The following KAT2B variants were observed in gnomAD, a reference collection of about 807,000 sequenced individuals.
The protein encoded by KAT2B is histone acetyltransferase KAT2B.
Under a neutral mutation model 105.9 loss-of-function variants are expected in KAT2B, and 36 were observed. That is an observed-to-expected ratio of 0.34 (90% CI 0.26 to 0.45). The LOEUF is 0.45. Ranked by LOEUF, KAT2B falls within the 20% of genes least tolerant of loss-of-function variation. The pLI, the probability that KAT2B is intolerant of heterozygous loss-of-function variation, is 1.00. For synonymous variants in KAT2B, 397 were observed against 377.9 expected, an observed-to-expected ratio of 1.05 and a Z score of -0.59; for missense variants, 820 against 1,021.6, an observed-to-expected ratio of 0.80 and a Z score of 2.69.
intron 11 of KAT2B, among the ~76,000 whole-genome samples, chr3:20,134,873 CTT>C (rs578188415): frequency 4.2e-4 from 64 of 152,118 alleles, no homozygotes; most frequent in South Asian, 8.3e-4. Context: ...TTAATTTTGA[CTT>C]TTTTTTACTT....
Position 20,068,823 on chromosome 3 carries a change from A to G in KAT2B, c.304-3510A>G, listed in dbSNP as rs144730487. Among the ~76,000 whole-genome samples the G allele has an allele frequency of 4.1e-3, 621 of 152,182 alleles. 4 individuals are homozygous for G. Among genetic ancestry groups the G allele is most frequent in the African/African-American group, 0.014 (586 of 41,536 alleles). On this transcript the variant is annotated intron_variant, in intron 1 of 17. Coordinates refer to ENST00000263754, the MANE Select transcript of KAT2B (RefSeq NM_003884.5). ...TTCTAGGTTTGGCCTGCCATATTTA[A>G]TTGCTTTGTTGGGGCCATTTAGTCA...
At chr3:20,079,142 C>T (rs933383889) in intron 2 of KAT2B, among the ~76,000 whole-genome samples, 1 of 150,704 alleles carries the variant, frequency 6.6e-6, no homozygotes, top group Non-Finnish European at 1.5e-5. Context: ...CTCAGGTGAT[C>T]CACCCGCCTC....
chr3:20,083,828 C>G (rs1441268306), intron 2 of KAT2B, among the ~76,000 whole-genome samples: 2 of 152,062 alleles, frequency 1.3e-5, no homozygotes, highest in Non-Finnish European at 2.9e-5. Context: ...TTGGCAGAAA[C>G]AGGGCCAGCA....
rs1699448099 is a variant in KAT2B, at chr3:20,128,384, T to TTAAGGGAAGTCATGAAATTCTA, written c.1749+850_1749+871dup. Among the ~76,000 whole-genome samples, 6 of 152,334 alleles carry TTAAGGGAAGTCATGAAATTCTA rather than the reference T, an allele frequency of 3.9e-5. No homozygotes were observed. In the South Asian group the frequency reaches 1.2e-3, roughly 32 times the overall value. On this transcript the variant is annotated intron_variant, in intron 11 of 17. Transcript: ENST00000263754. The stretch of plus-strand genomic sequence containing the variant: ...GGAAAACAAGGACTAAGGAAATTCT[T>TTAAGGGAAGTCATGAAATTCTA]TAAGGGAAGTCATGAAATTCTATAA...
At chr3:20,080,493 A>G (rs905587474) in intron 2 of KAT2B, among the ~76,000 whole-genome samples, 7 of 152,190 alleles carry the variant, frequency 4.6e-5, no homozygotes, top group African/African-American at 1.7e-4. Flanking sequence ...ATTATATACC[A>G]ATCTGTACTG....
Position 20,107,365 on chromosome 3 carries a change from A to AC in KAT2B, c.852-4231_852-4230insC, listed in dbSNP as rs199935186. 2.0e-5 allele frequency among the ~76,000 whole-genome samples: 3 copies of AC among 151,590 alleles called. No individual in the cohort carries two copies. In the East Asian group the frequency reaches 5.9e-4, roughly 30 times the overall value. On this transcript the variant is annotated intron_variant, in intron 5 of 17. Coordinates refer to ENST00000263754, the MANE Select transcript of KAT2B (RefSeq NM_003884.5). The stretch of plus-strand genomic sequence containing the variant: ...TATATTTTTTACCCAATATATAAAA[A>AC]ATGCCATTTCAGCTGGGAGCGGTGG...
chr3:20,114,968 G>T lies in KAT2B; in HGVS notation c.1130G>T (p.Ser377Ile). ...QDFLSASSRT[S>I]QLGIQTVINP... ...TTTCTCTCAGCCTCTTCCAGAACCAGCCAGCTAGGCATCCAAACAGGTAAG... is the reference window on the plus strand; with the variant it reads ...TTTCTCTCAGCCTCTTCCAGAACCATCCAGCTAGGCATCCAAACAGGTAAG... Residue 377 changes from serine to isoleucine, a missense_variant, in exon 7 of 18, where the codon AGC becomes ATC. Around this residue, in one of 6 missense-constraint regions of KAT2B, gnomAD observed 225 missense variants for 268.1 expected, o/e 0.84. Transcript: ENST00000263754. 1.9e-6 allele frequency: 3 copies of T among 1,610,620 alleles called. No homozygotes were observed. The highest frequency in any genetic ancestry group is 2.5e-6 in the Non-Finnish European group (3 of 1,177,008).
chr3:20,067,806 C>T (rs1698249612), intron 1 of KAT2B, among the ~76,000 whole-genome samples: 1 of 150,728 alleles, frequency 6.6e-6, no homozygotes, highest in Admixed American at 6.6e-5. Context: ...TCCCAAGTAG[C>T]TGGGATTACA....
intron 1 of KAT2B, among the ~76,000 whole-genome samples, chr3:20,062,111 T>TTATATATAAAACATATAATATATATTA (rs1188323147): frequency 9.5e-5 from 5 of 52,768 alleles, no homozygotes; most frequent in African/African-American, 4.3e-4. Context: ...ATAATATATA[T>TTATATATAAAACATATAATATATATTA]TATATAAAAC....
Position 20,101,456 on chromosome 3 carries a change from A to G in KAT2B, c.839A>G (p.Glu280Gly). The part of the protein sequence containing the change: ...SPNDDISGYK[E>G]NYTRWLCYCN... ...AATGATGATATTTCTGGATACAAAG[A>G]GAACTACACAAGGTAATCAGATGCA... The change falls in exon 5 of 18, where the codon GAG becomes GGG. Residue 280 changes from glutamate (E) to glycine (G), a missense_variant. Coordinates refer to ENST00000263754, the MANE Select transcript of KAT2B (RefSeq NM_003884.5). The G allele has an allele frequency of 6.2e-7, 1 of 1,614,064 alleles. No homozygotes were observed.
chr3:20,137,946 C>T (rs1461156484), intron 12 of KAT2B, among the ~76,000 whole-genome samples: 1 of 152,166 alleles, frequency 6.6e-6, no homozygotes, highest in Non-Finnish European at 1.5e-5. Flanking sequence ...TTTGAAACAG[C>T]CTGGGCAACA....
At chr3:20,130,122 C>T (rs962808782) in intron 11 of KAT2B, among the ~76,000 whole-genome samples, 3 of 152,130 alleles carry the variant, frequency 2.0e-5, no homozygotes, top group Non-Finnish European at 4.4e-5. Context: ...GGATTACAGG[C>T]GTGAGCCACC....
rs1054938252 is a variant in KAT2B at position 20,076,834 on chromosome 3, T to C, written c.430+4375T>C. On this transcript the variant is annotated intron_variant, in intron 2 of 17. Transcript: ENST00000263754. ...TCAAATACATTTCAGTTGGTATACA[T>C]TGTTGTTCTGTTTTCACATACAGTA... Among the ~76,000 whole-genome samples, 15 of 152,218 alleles carry C rather than the reference T, an allele frequency of 9.9e-5. 1 individual carries two copies. Among genetic ancestry groups the C allele is most frequent in the Admixed American group, 9.2e-4 (14 of 15,274 alleles).
intron 1 of KAT2B, among the ~76,000 whole-genome samples, chr3:20,041,829 C>T (rs1467363157): frequency 3.3e-5 from 5 of 152,226 alleles, no homozygotes; most frequent in Admixed American, 3.3e-4. Context: ...TTGTCACAAC[C>T]AAGCTGCAGT....
chr3:20,103,417 TA>T (rs1279749701), intron 5 of KAT2B, among the ~76,000 whole-genome samples: 226 of 152,224 alleles, frequency 1.5e-3, no homozygotes, highest in African/African-American at 4.3e-3. Flanking sequence ...TTTTTATTTT[TA>T]TTTTTTTTAG....
At chr3:20,100,880 A>G in intron 4 of KAT2B, 1 of 167,174 alleles carries the variant, frequency 6.0e-6, no homozygotes, top group Middle Eastern at 6.1e-4. Context: ...TTTGATTAGC[A>G]TTTTTGTAAT....
At position 20,095,292 on chromosome 3, in the gene KAT2B, T is replaced by A; in HGVS notation, c.460T>A (p.Ser154Thr). ...TCATGTTTCCCACCTGGAGAATGTG[T>A]CAGAGGAAGAAATGAACAGACTCCT... ...AAHVSHLENV[S>T]EEEMNRLLGI... The change falls in exon 3 of 18, where the codon TCA becomes ACA. Residue 154 changes from serine to threonine, a missense_variant. Coordinates refer to ENST00000263754, the MANE Select transcript of KAT2B (RefSeq NM_003884.5). 6.2e-7 allele frequency: 1 copy of A among 1,612,280 alleles called. No individual in the cohort carries two copies. The highest frequency in any genetic ancestry group is 2.2e-5 in the East Asian group (1 of 44,824).
intron 6 of KAT2B, 61 bp from the exon 7 acceptor site, chr3:20,114,821 T>G (rs914840420): frequency 5.8e-6 from 5 of 858,172 alleles, no homozygotes; most frequent in Non-Finnish European, 9.6e-6. Flanking sequence ...CACAGATAAT[T>G]AGGGCTGTTA....
intron 7 of KAT2B, among the ~76,000 whole-genome samples, chr3:20,115,486 G>A (rs1699189430): frequency 6.6e-6 from 1 of 152,194 alleles, no homozygotes; most frequent in Admixed American, 6.5e-5. Flanking sequence ...TGGCCATGGG[G>A]AAAGACAGGA....
Sources: gnomAD v4.1 joint callset for allele counts (sites outside exome capture counted in the v4.1 genomes callset) on GRCh38, gnomAD v4.1.1 for gene constraint, gnomAD v4.1.1 regional missense constraint, MANE v1.5 for transcripts, NCBI Gene and HGNC (gene_info 2026-07-23, HGNC 2026-07-21) for gene names.